The following WWOX variants were observed in gnomAD, a reference collection of about 807,000 sequenced individuals.
WWOX encodes the protein WW domain containing oxidoreductase.
In WWOX, 69 loss-of-function variants were observed where a neutral mutation model predicts 46.2. The observed-to-expected ratio is 1.49, with a 90% CI of 1.23 to 1.82. WWOX has a LOEUF of 1.82. WWOX is among the 40% of genes most tolerant of loss of function. WWOX has a pLI of 0.00. For synonymous variants in WWOX, 359 were observed against 202.6 expected, an observed-to-expected ratio of 1.77 and a Z score of -6.56; for missense variants, 919 against 542.6, an observed-to-expected ratio of 1.69 and a Z score of -6.89.
At chr16:79,008,984 C>T (rs988179274) in intron 8 of WWOX, among the ~76,000 whole-genome samples, 1 of 152,200 alleles carries the variant, frequency 6.6e-6, no homozygotes, top group East Asian at 1.9e-4. Flanking sequence ...GACGCCAGTG[C>T]AATTATCCCG....
At chr16:78,552,802 T>G (rs1210377233) in intron 8 of WWOX, 1 of 152,262 alleles carries the variant, frequency 6.6e-6, no homozygotes, top group Non-Finnish European at 1.5e-5. Context: ...CTCTGTTCTC[T>G]CTGTTTTAAC....
intron 4 of WWOX, among the ~76,000 whole-genome samples, chr16:78,149,558 G>T (rs1159224290): frequency 3.9e-5 from 6 of 152,232 alleles, no homozygotes; most frequent in African/African-American, 1.4e-4. Context: ...CCTCAATTCT[G>T]TGCCTTGATG....
At chr16:78,776,110 C>T (rs1278287477) in intron 8 of WWOX, among the ~76,000 whole-genome samples, 3 of 152,106 alleles carry the variant, frequency 2.0e-5, no homozygotes, top group African/African-American at 4.8e-5. Context: ...TTAGAAGATA[C>T]TGGGAAGTAA....
chr16:78,410,256 T>C (rs2082647756), intron 6 of WWOX, among the ~76,000 whole-genome samples: 1 of 152,190 alleles, frequency 6.6e-6, no homozygotes, highest in Non-Finnish European at 1.5e-5. Context: ...TAAATCTCTT[T>C]TCATTATAAA....
chr16:78,859,525 C>A (rs1339414756), intron 8 of WWOX, among the ~76,000 whole-genome samples: 1 of 152,122 alleles, frequency 6.6e-6, no homozygotes, highest in Middle Eastern at 3.2e-3. Context: ...AGCACCCATT[C>A]CAGAGGGCAT....
chr16:78,602,122 A>T (rs1211457960), intron 8 of WWOX, among the ~76,000 whole-genome samples: 2 of 152,218 alleles, frequency 1.3e-5, no homozygotes, highest in Admixed American at 6.5e-5. Flanking sequence ...CTTTTGAACT[A>T]ATCACACTAG....
At chr16:78,922,874 A>G (rs996100207) in intron 8 of WWOX, among the ~76,000 whole-genome samples, 1 of 152,214 alleles carries the variant, frequency 6.6e-6, no homozygotes, top group African/African-American at 2.4e-5. Flanking sequence ...ATAAGGGCTT[A>G]TTAATCATAC....
chr16:78,457,847 C>T (rs141538102), intron 8 of WWOX, among the ~76,000 whole-genome samples: 1,627 of 142,306 alleles, frequency 0.011, 32 homozygotes, highest in African/African-American at 0.041. Flanking sequence ...TCCCGGGAGG[C>T]GGAGCTTTCA....
intron 8 of WWOX, among the ~76,000 whole-genome samples, chr16:78,802,745 G>C (rs1289709774): frequency 6.6e-6 from 1 of 151,122 alleles, no homozygotes; most frequent in South Asian, 2.1e-4. Flanking sequence ...GTGAAGCCCC[G>C]TCTCTACTAA....
chr16:78,824,138 A>G (rs1455365142), intron 8 of WWOX, among the ~76,000 whole-genome samples: 1 of 152,094 alleles, frequency 6.6e-6, no homozygotes, highest in East Asian at 1.9e-4. Flanking sequence ...AGTTTTTAAA[A>G]ATCTATTTGA....
intron 8 of WWOX, among the ~76,000 whole-genome samples, chr16:78,691,032 C>A (rs546493978): frequency 1.6e-4 from 24 of 152,220 alleles, no homozygotes; most frequent in South Asian, 1.2e-3. Context: ...CAGACATACT[C>A]GATACATCTT....
At chr16:78,479,513 T>G (rs1219646231) in intron 8 of WWOX, among the ~76,000 whole-genome samples, 1 of 152,224 alleles carries the variant, frequency 6.6e-6, no homozygotes, top group African/African-American at 2.4e-5. Flanking sequence ...ATTATGGTTT[T>G]TGAATGAAGT....
intron 8 of WWOX, among the ~76,000 whole-genome samples, chr16:78,998,564 G>C (rs1566885): frequency 0.3 from 44,899 of 152,114 alleles, 6,870 homozygotes; most frequent in Middle Eastern, 0.37. Context: ...TCTGGGAGCT[G>C]TTAGAGGAGT....
chr16:78,401,166 G>A (rs1216708781), intron 6 of WWOX, among the ~76,000 whole-genome samples: 3 of 152,170 alleles, frequency 2.0e-5, no homozygotes, highest in Admixed American at 6.5e-5. Context: ...TAGGAAAAAT[G>A]TTAAATATGT....
chr16:78,667,831 A>G (rs2047368695), intron 8 of WWOX, among the ~76,000 whole-genome samples: 1 of 152,084 alleles, frequency 6.6e-6, no homozygotes, highest in Admixed American at 6.5e-5. Context: ...CTATGCTATA[A>G]GGCATCAGTG....
At chr16:78,351,992 C>G (rs1567517676) in intron 5 of WWOX, among the ~76,000 whole-genome samples, 2 of 152,216 alleles carry the variant, frequency 1.3e-5, no homozygotes, top group East Asian at 3.9e-4. Flanking sequence ...GATCAAGAGT[C>G]AAACACTCAA....
At chr16:78,808,296 C>T (rs1019662692) in intron 8 of WWOX, among the ~76,000 whole-genome samples, 1 of 152,196 alleles carries the variant, frequency 6.6e-6, no homozygotes, top group Non-Finnish European at 1.5e-5. Flanking sequence ...GTTTGCAACC[C>T]AGGAACAACT....
intron 8 of WWOX, among the ~76,000 whole-genome samples, chr16:79,112,354 C>G (rs144870339): frequency 6.6e-6 from 1 of 152,258 alleles, no homozygotes; most frequent in African/African-American, 2.4e-5. Flanking sequence ...AGGCTCATGA[C>G]AGACCAAAAG....
chr16:78,560,860 T>A (rs975002906), intron 8 of WWOX, among the ~76,000 whole-genome samples: 41 of 152,028 alleles, frequency 2.7e-4, no homozygotes, highest in African/African-American at 9.9e-4. Flanking sequence ...GCTGCAGAAT[T>A]TTTTTTTCTT....
Sources: allele counts gnomAD v4.1 joint callset (sites outside exome capture counted in the v4.1 genomes callset), GRCh38; gene constraint gnomAD v4.1.1; transcripts MANE v1.5; gene names NCBI Gene and HGNC (gene_info 2026-07-23, HGNC 2026-07-21).